Variants in TMEM151B observed in about 807,000 individuals in gnomAD.
TMEM151B encodes the protein transmembrane protein 151B.
In TMEM151B, 18 loss-of-function variants were observed where a neutral mutation model predicts 33.0. The ratio of observed to expected loss-of-function variants is 0.55; its 90% CI spans 0.38 to 0.81. The LOEUF (loss-of-function observed/expected upper bound fraction) is 0.81. Ranked by LOEUF, TMEM151B falls within the 30% of genes least tolerant of loss-of-function variation. The pLI, the probability that TMEM151B is intolerant of heterozygous loss-of-function variation, is 0.00. For missense variants in TMEM151B, 672 were observed against 843.4 expected, an observed-to-expected ratio of 0.80 and a Z score of 2.52; for synonymous variants, 354 against 373.6, an observed-to-expected ratio of 0.95 and a Z score of 0.61.
chr6:44,270,724 G>T lies in TMEM151B; in HGVS notation c.-19G>T. The T allele has an allele frequency of 9.4e-7, 1 of 1,066,998 alleles. No individual in the cohort carries two copies. The highest frequency in any genetic ancestry group is 4.5e-5 in the South Asian group (1 of 22,248). 66.1% of individuals were successfully genotyped at this position (1,066,998 alleles called of 1,614,324 possible). A position where few individuals can be genotyped will look rare whatever the true frequency, so the allele number is the denominator to read the frequency against. On this transcript the variant is annotated 5_prime_UTR_variant, in exon 1 of 3. Transcript: ENST00000451188. ...CAGCCCCCCGGGAGGTCCTGAGCTC[G>T]ACGCGCCCCCTCTACGCCATGTCCC... is the stretch of plus-strand genomic sequence containing the variant.
Position 44,279,030 on chromosome 6 carries a change from G to A in TMEM151B, c.*2503G>A, listed in dbSNP as rs950173490. On this transcript the variant is annotated 3_prime_UTR_variant, in exon 3 of 3. Transcript: ENST00000451188. Reference sequence around the variant, plus strand: ...GTGCTCTGCTCAGCGCCTGCTTAGCGGAAGGAGTCCCTGGAGAGCAGGCAC... The same window carrying A: ...GTGCTCTGCTCAGCGCCTGCTTAGCAGAAGGAGTCCCTGGAGAGCAGGCAC... 3.3e-5 allele frequency: 5 copies of A among 152,248 alleles called. No individual in the cohort carries two copies. The highest frequency in any genetic ancestry group is 1.3e-4 in the Admixed American group (2 of 15,282). The allele number at this position is 152,248 out of a possible 1,614,324, so 9.4% of individuals were successfully genotyped here. A position where few individuals can be genotyped will look rare whatever the true frequency, so the allele number is the denominator to read the frequency against.
At chr6:44,275,242 C>A (rs962606923) in intron 2 of TMEM151B, among the ~76,000 whole-genome samples, 161 bp from the exon 3 acceptor site, 3 of 152,166 alleles carry the variant, frequency 2.0e-5, no homozygotes, top group African/African-American at 7.2e-5. Context: ...GTAAGTCAGA[C>A]GGAAAGATCC....
chr6:44,273,108 G>A lies in TMEM151B; in HGVS notation c.178G>A (p.Glu60Lys). 2.0e-6 allele frequency: 3 copies of A among 1,516,570 alleles called. No homozygotes were observed. The highest frequency in any genetic ancestry group is 2.7e-6 in the Non-Finnish European group (3 of 1,125,776). 93.9% of individuals were successfully genotyped at this position (1,516,570 alleles called of 1,614,324 possible). Reference sequence around the variant, plus strand: ...CTCTTTCACCAAGTCCCTCTGCCGTGAGTCCCACTGGAAGTGCCTCCTGCT... The same window carrying A: ...CTCTTTCACCAAGTCCCTCTGCCGTAAGTCCCACTGGAAGTGCCTCCTGCT... Reference protein sequence around the residue: ...QPSFTKSLCRESHWKCLLLSL... With the variant: ...QPSFTKSLCRKSHWKCLLLSL... Residue 60 changes from glutamate to lysine, a missense_variant, in exon 2 of 3, where the codon GAG (glutamate) becomes AAG (lysine). By Grantham distance (56) the Glu-to-Lys change is moderately conservative. This residue lies in a region of TMEM151B where 285 missense variants were observed against 423.1 expected (regional missense o/e 0.67). Coordinates refer to ENST00000451188, the MANE Select transcript of TMEM151B (RefSeq NM_001137560.2).
In TMEM151B at chr6:44,276,780, C is replaced by A; in HGVS notation, c.*253C>A. 3.1e-6 allele frequency: 2 copies of A among 647,230 alleles called. No homozygotes were observed. Among genetic ancestry groups the A allele is most frequent in the Non-Finnish European group, 2.2e-6 (1 of 460,898 alleles). The allele number at this position is 647,230 out of a possible 1,614,324, so 40.1% of individuals were successfully genotyped here. ...GGCAGAGTCATTCTTCCAGCCCCAA[C>A]CCTGAGTTCCTAAAGGGACACCTCC... On this transcript the variant is annotated 3_prime_UTR_variant, in exon 3 of 3. Coordinates refer to ENST00000451188, the MANE Select transcript of TMEM151B (RefSeq NM_001137560.2).
In TMEM151B at chr6:44,275,745, C is replaced by A; in HGVS notation, c.919C>A (p.Leu307Met). ...ACSSAFWAAA[L>M]LTLSWPLRVL... ...CTCGTCGGCCTTCTGGGCCGCGGCG[C>A]TGCTCACGCTGTCGTGGCCGCTGCG... Residue 307 changes from leucine (L) to methionine (M), a missense_variant, in exon 3 of 3, where the codon CTG becomes ATG. By Grantham distance (15) the Leu-to-Met change is conservative (BLOSUM62 2). This residue lies in a region of TMEM151B where 285 missense variants were observed against 423.1 expected (regional missense o/e 0.67). Transcript: ENST00000451188. The A allele has an allele frequency of 1.3e-6, 2 of 1,546,588 alleles. No individual in the cohort carries two copies. Among genetic ancestry groups the A allele is most frequent in the Middle Eastern group, 3.3e-4 (2 of 5,986 alleles).
rs1277656597 is a variant in TMEM151B at position 44,276,825 on chromosome 6, C to A, written c.*298C>A. The A allele has an allele frequency of 2.7e-6, 1 of 367,806 alleles. No homozygotes were observed. Among genetic ancestry groups the A allele is most frequent in the Admixed American group, 5.0e-5 (1 of 19,852 alleles). The allele number at this position is 367,806 out of a possible 1,614,324, so 22.8% of individuals were successfully genotyped here. On this transcript the variant is annotated 3_prime_UTR_variant, in exon 3 of 3. Coordinates refer to ENST00000451188, the MANE Select transcript of TMEM151B (RefSeq NM_001137560.2). ...ACCTCCCTCCTGTCCAGCCCTTCAACAGATCTTCTGTTAGATGACAACCGT... is the reference window on the plus strand; with the variant it reads ...ACCTCCCTCCTGTCCAGCCCTTCAAAAGATCTTCTGTTAGATGACAACCGT...
At chr6:44,274,099 C>T (rs1257162407) in intron 2 of TMEM151B, among the ~76,000 whole-genome samples, 1 of 152,000 alleles carries the variant, frequency 6.6e-6, no homozygotes, top group Admixed American at 6.5e-5. Context: ...CCTGTAGTCC[C>T]GGCTACTCAG....
Position 44,276,653 on chromosome 6 carries a change from A to G in TMEM151B, c.*126A>G. On this transcript the variant is annotated 3_prime_UTR_variant, in exon 3 of 3. Coordinates refer to ENST00000451188, the MANE Select transcript of TMEM151B (RefSeq NM_001137560.2). Reference sequence around the variant, plus strand: ...CGCGGGGGGCAGGGAAAGGGAGGTGAGGGCCGCAAGACAGGCCCGGATGGG... The same window carrying G: ...CGCGGGGGGCAGGGAAAGGGAGGTGGGGGCCGCAAGACAGGCCCGGATGGG... 7.8e-7 allele frequency: 1 copy of G among 1,281,566 alleles called. No individual in the cohort carries two copies. The allele number at this position is 1,281,566 out of a possible 1,614,324, so 79.4% of individuals were successfully genotyped here. A position where few individuals can be genotyped will look rare whatever the true frequency, so the allele number is the denominator to read the frequency against.
Position 44,275,569 on chromosome 6 carries a change from C to A in TMEM151B, c.743C>A (p.Ala248Glu). The change falls in exon 3 of 3, where the codon GCG becomes GAG. Residue 248 changes from alanine (A) to glutamate (E), a missense_variant. Ala to Glu is a moderately radical substitution (Grantham distance 107, BLOSUM62 -1). Transcript: ENST00000451188. ...TTCGCCAGCGTGGAGGCCGAGAACGCGTACCTGTGCCAGCGCGCGCGCTTC... is the reference window on the plus strand; with the variant it reads ...TTCGCCAGCGTGGAGGCCGAGAACGAGTACCTGTGCCAGCGCGCGCGCTTC... ...FSFASVEAEN[A>E]YLCQRARFFA... is the part of the protein sequence containing the mutation. 1.3e-6 allele frequency: 2 copies of A among 1,550,874 alleles called. No individual in the cohort carries two copies. The highest frequency in any genetic ancestry group is 1.7e-6 in the Non-Finnish European group (2 of 1,146,678).
In TMEM151B at chr6:44,276,679, G is replaced by A. The variant is rs1359034126; in HGVS notation, c.*152G>A. ...GGGCCGCAAGACAGGCCCGGATGGG[G>A]CCGAGACCCCCGCTGTCCCTGTACA... On this transcript the variant is annotated 3_prime_UTR_variant, in exon 3 of 3. Coordinates refer to ENST00000451188, the MANE Select transcript of TMEM151B (RefSeq NM_001137560.2). 5 of 1,263,976 alleles carry A rather than the reference G, an allele frequency of 4.0e-6. 1 individual carries two copies. In the East Asian group the frequency reaches 1.3e-4, roughly 32 times the overall value. The allele number at this position is 1,263,976 out of a possible 1,614,324, so 78.3% of individuals were successfully genotyped here. A position where few individuals can be genotyped will look rare whatever the true frequency, so the allele number is the denominator to read the frequency against.
intron 1 of TMEM151B, among the ~76,000 whole-genome samples, chr6:44,271,453 A>G (rs1391997470): frequency 6.6e-6 from 1 of 150,484 alleles, no homozygotes; most frequent in African/African-American, 2.5e-5. Flanking sequence ...CAGTCCTCTG[A>G]ACCTGAAGAC....
Position 44,278,026 on chromosome 6 carries a change from C to T in TMEM151B, c.*1499C>T, listed in dbSNP as rs1477308394. The T allele has an allele frequency of 2.0e-5, 3 of 153,182 alleles. No individual in the cohort carries two copies. The highest frequency in any genetic ancestry group is 4.8e-5 in the African/African-American group (2 of 41,454). The allele number at this position is 153,182 out of a possible 1,614,324, so 9.5% of individuals were successfully genotyped here. ...TAACCCTTGGGCCACCCACATCTCT[C>T]ACCCCTGATGCTTCTTACTTCGCCT... On this transcript the variant is annotated 3_prime_UTR_variant, in exon 3 of 3. Coordinates refer to ENST00000451188, the MANE Select transcript of TMEM151B (RefSeq NM_001137560.2).
At position 44,278,015 on chromosome 6, in the gene TMEM151B, C is replaced by G. The variant is rs1251185057; in HGVS notation, c.*1488C>G. 1 of 153,044 alleles carries G rather than the reference C, an allele frequency of 6.5e-6. No homozygotes were observed. Among genetic ancestry groups the G allele is most frequent in the Non-Finnish European group, 1.5e-5 (1 of 68,356 alleles). 9.5% of individuals were successfully genotyped at this position (153,044 alleles called of 1,614,324 possible). A position where few individuals can be genotyped will look rare whatever the true frequency, so the allele number is the denominator to read the frequency against. ...GCTAGAGAGGATAACCCTTGGGCCA[C>G]CCACATCTCTCACCCCTGATGCTTC... is the stretch of plus-strand genomic sequence containing the variant. On this transcript the variant is annotated 3_prime_UTR_variant, in exon 3 of 3. Transcript: ENST00000451188.
intron 1 of TMEM151B, among the ~76,000 whole-genome samples, chr6:44,271,869 C>T (rs1352890829): frequency 7.0e-6 from 1 of 142,806 alleles, no homozygotes; most frequent in Non-Finnish European, 1.5e-5. Flanking sequence ...AGTCAGGATC[C>T]CAGCAGGAGG....
intron 2 of TMEM151B, among the ~76,000 whole-genome samples, chr6:44,274,199 A>T (rs186021774): frequency 5.9e-5 from 9 of 152,306 alleles, no homozygotes; most frequent in Non-Finnish European, 7.3e-5. Context: ...TCTCAAAAAA[A>T]AAAATAAAAA....
rs1381639308 is a variant in TMEM151B, at chr6:44,278,777, T to A, written c.*2250T>A. 6.6e-6 allele frequency: 1 copy of A among 152,130 alleles called. No individual in the cohort carries two copies. Among genetic ancestry groups the A allele is most frequent in the Non-Finnish European group, 1.5e-5 (1 of 68,030 alleles). The allele number at this position is 152,130 out of a possible 1,614,324, so 9.4% of individuals were successfully genotyped here. On this transcript the variant is annotated 3_prime_UTR_variant, in exon 3 of 3. Transcript: ENST00000451188. ...TAGCTTTACTGATTGCCAGGGAAAA[T>A]GAAAACCAGAAAATTAATTAATCTC... is the stretch of plus-strand genomic sequence containing the variant.
chr6:44,274,805 G>C (rs556320518), intron 2 of TMEM151B, among the ~76,000 whole-genome samples: 1 of 152,318 alleles, frequency 6.6e-6, no homozygotes, highest in Non-Finnish European at 1.5e-5. Context: ...GACCCCTAGA[G>C]GAAGCAGGGC....
rs975946693 is a variant in TMEM151B at position 44,274,204 on chromosome 6, T to A, written c.576+698T>A. On this transcript the variant is annotated intron_variant, in intron 2 of 2. Coordinates refer to ENST00000451188, the MANE Select transcript of TMEM151B (RefSeq NM_001137560.2). Reference sequence around the variant, plus strand: ...CAAGACCCCATCTCAAAAAAAAAAATAAAAATAAAAATAGTGCTTAATGGC... The same window carrying A: ...CAAGACCCCATCTCAAAAAAAAAAAAAAAAATAAAAATAGTGCTTAATGGC... 1.1e-3 allele frequency among the ~76,000 whole-genome samples: 167 copies of A among 151,436 alleles called. 1 individual carries two copies. The highest frequency in any genetic ancestry group is 2.6e-3 in the African/African-American group (106 of 41,254).
In TMEM151B at chr6:44,276,059, C is replaced by T. The variant is rs958159879; in HGVS notation, c.1233C>T (p.Pro411=). Residue 411 remains proline, a synonymous_variant, in exon 3 of 3, where the codon CCC becomes CCT. Coordinates refer to ENST00000451188, the MANE Select transcript of TMEM151B (RefSeq NM_001137560.2). ...RCGGAGGGYA[P]SCRYGGVGGP... The stretch of plus-strand genomic sequence containing the variant: ...GCGGGGCAGGCGGCGGCTACGCGCC[C>T]TCGTGCCGCTACGGTGGGGTAGGCG... 2 of 1,342,698 alleles carry T rather than the reference C, an allele frequency of 1.5e-6. No individual in the cohort carries two copies. Among genetic ancestry groups the T allele is most frequent in the Non-Finnish European group, 1.9e-6 (2 of 1,053,742 alleles). 83.2% of individuals were successfully genotyped at this position (1,342,698 alleles called of 1,614,324 possible). A position where few individuals can be genotyped will look rare whatever the true frequency, so the allele number is the denominator to read the frequency against.
Sources: allele counts gnomAD v4.1 joint callset (sites outside exome capture counted in the v4.1 genomes callset), GRCh38; gene constraint gnomAD v4.1.1; regional missense constraint gnomAD v4.1.1; transcripts MANE v1.5; gene names NCBI Gene and HGNC (gene_info 2026-07-23, HGNC 2026-07-21).